Variants in HHIPL1 observed in about 807,000 individuals in gnomAD.
HHIPL1 encodes HHIP like 1, also known as HHIP-like protein 1.
A neutral mutation model predicts 61.8 loss-of-function variants in HHIPL1; 43 were observed. The ratio of observed to expected loss-of-function variants is 0.70; its 90% CI spans 0.55 to 0.90. The LOEUF is 0.90. HHIPL1 is among the 40% of genes least tolerant of loss of function. The pLI, the probability that HHIPL1 is intolerant of heterozygous loss-of-function variation, is 0.00. For missense variants in HHIPL1, 1,056 were observed against 1,157.7 expected (o/e 0.91, Z 1.28); for synonymous variants, 482 against 515.8 (o/e 0.93, Z 0.89).
At chr14:99,643,022 T>G (rs1480092964), upstream of HHIPL1, among the ~76,000 whole-genome samples, 1 of 151,986 alleles carries the variant, frequency 6.6e-6, no homozygotes, top group African/African-American at 2.4e-5. Flanking sequence ...AGGCTGGCTC[T>G]GATGCTCCTT....
chr14:99,671,054 T>C (rs1027181543), intron 7 of HHIPL1, among the ~76,000 whole-genome samples: 3 of 152,146 alleles, frequency 2.0e-5, no homozygotes, highest in Admixed American at 6.5e-5. Flanking sequence ...GGTCTTGTGT[T>C]AGGAGCCAGA....
At chr14:99,616,767 A>G in the HHIPL1 span, among the ~76,000 whole-genome samples, 3 of 152,202 alleles carry the variant, frequency 2.0e-5, no homozygotes, top group African/African-American at 4.8e-5. Context: ...CCTTGCGACA[A>G]TGGAAGCTAG....
At chr14:99,656,242 T>A (rs1037912147) in intron 2 of HHIPL1, among the ~76,000 whole-genome samples, 1 of 152,144 alleles carries the variant, frequency 6.6e-6, no homozygotes, top group Non-Finnish European at 1.5e-5. Context: ...CCCATAATCA[T>A]AACAGGGCAG....
the HHIPL1 span, among the ~76,000 whole-genome samples, chr14:99,630,176 C>T: frequency 0.21 from 32,005 of 152,164 alleles, 3,736 homozygotes; most frequent in Admixed American, 0.34. Context: ...CGGAGGAGCT[C>T]AGAATCCAAT....
the HHIPL1 span, among the ~76,000 whole-genome samples, chr14:99,608,603 G>A: frequency 2.0e-5 from 3 of 152,212 alleles, no homozygotes; most frequent in Admixed American, 6.5e-5. Context: ...GGCTGACCAG[G>A]TCTGGGCCAG....
chr14:99,626,326 G>A, the HHIPL1 span, among the ~76,000 whole-genome samples: 1 of 152,128 alleles, frequency 6.6e-6, no homozygotes, highest in East Asian at 1.9e-4. Flanking sequence ...TGAGACTGCA[G>A]GGAGCCTGCA....
the HHIPL1 span, among the ~76,000 whole-genome samples, chr14:99,620,120 G>A: frequency 2.0e-5 from 3 of 152,190 alleles, no homozygotes; most frequent in African/African-American, 7.2e-5. Flanking sequence ...GAGGGCCCAG[G>A]TGACTCAATG....
In HHIPL1 at chr14:99,645,422, G is replaced by T; in HGVS notation, c.215G>T (p.Trp72Leu). Residue 72 changes from tryptophan to leucine, a missense_variant, in exon 1 of 9, where the codon TGG becomes TTG. Transcript: ENST00000330710. The stretch of plus-strand genomic sequence containing the variant: ...GCGAGCCGCGTGGACGCCGCCGAGT[G>T]GGCCGCGTGCGCCGGCTACGCGAGG... The part of the protein sequence containing the change: ...ALASRVDAAE[W>L]AACAGYARDL... 1 of 1,373,818 alleles carries T rather than the reference G, an allele frequency of 7.3e-7. No homozygotes were observed. The highest frequency in any genetic ancestry group is 1.7e-5 in the South Asian group (1 of 58,570). 85.1% of individuals were successfully genotyped at this position (1,373,818 alleles called of 1,614,324 possible). A position where few individuals can be genotyped will look rare whatever the true frequency, so the allele number is the denominator to read the frequency against.
rs112835805 is a variant in HHIPL1, at chr14:99,660,238, C to T, written c.1376-42C>T. 3.1e-6 allele frequency: 5 copies of T among 1,612,330 alleles called. No individual in the cohort carries two copies. The highest frequency in any genetic ancestry group is 1.1e-5 in the South Asian group (1 of 90,944). ...AATTCTCCTGGCTGATGAACCTTCCCGCCGCTGGCTCACCGAAGCTTCTCT... is the reference window on the plus strand; with the variant it reads ...AATTCTCCTGGCTGATGAACCTTCCTGCCGCTGGCTCACCGAAGCTTCTCT... On this transcript the variant is annotated intron_variant, in intron 4 of 8. Coordinates refer to ENST00000330710, the MANE Select transcript of HHIPL1 (RefSeq NM_001127258.3). This position sits in a 1 kb window ranked among gnomAD's most constrained non-coding sequence, Gnocchi z 4.9.
Position 99,675,726 on chromosome 14 carries a change from G to A in HHIPL1, c.*100G>A. On this transcript the variant is annotated 3_prime_UTR_variant, in exon 9 of 9. Coordinates refer to ENST00000330710, the MANE Select transcript of HHIPL1 (RefSeq NM_001127258.3). This position sits in a 1 kb window ranked among gnomAD's most constrained non-coding sequence, Gnocchi z 5.4. ...AGCGGGTGCACACGTGTTCTAGAGT[G>A]AAGGGGGTGCGGGTGTGTGCTGTCC... 8.1e-7 allele frequency: 1 copy of A among 1,235,308 alleles called. No individual in the cohort carries two copies. The highest frequency in any genetic ancestry group is 1.1e-6 in the Non-Finnish European group (1 of 918,820). The allele number at this position is 1,235,308 out of a possible 1,614,324, so 76.5% of individuals were successfully genotyped here.
the HHIPL1 span, among the ~76,000 whole-genome samples, chr14:99,605,387 C>G: frequency 2.2e-4 from 26 of 115,834 alleles, no homozygotes; most frequent in East Asian, 8.0e-4. Flanking sequence ...CGGGGCGGGG[C>G]GGGGGGGGGT....
At chr14:99,653,708 T>C (rs1003410308) in intron 2 of HHIPL1, among the ~76,000 whole-genome samples, 1 of 152,214 alleles carries the variant, frequency 6.6e-6, no homozygotes, top group Non-Finnish European at 1.5e-5. Flanking sequence ...CTTTTGCTCC[T>C]CTCAACAAGG....
At position 99,657,139 on chromosome 14, in the gene HHIPL1, A is replaced by T; in HGVS notation, c.1042A>T (p.Asn348Tyr). The T allele has an allele frequency of 6.2e-7, 1 of 1,612,920 alleles. No individual in the cohort carries two copies. Among genetic ancestry groups the T allele is most frequent in the Non-Finnish European group, 8.5e-7 (1 of 1,179,614 alleles). The change falls in exon 3 of 9, where the codon AAC (asparagine) becomes TAC (tyrosine). Residue 348 changes from asparagine to tyrosine, a missense_variant. Coordinates refer to ENST00000330710, the MANE Select transcript of HHIPL1 (RefSeq NM_001127258.3). ...DPFGTFGNAQ[N>Y]KSALLGKVLR... The stretch of plus-strand genomic sequence containing the variant: ...CTTTGGGACATTTGGAAATGCCCAA[A>T]ACAAGTATGTTCAGCTTTTGATTGG...
Position 99,668,110 on chromosome 14 carries a change from A to G in HHIPL1, c.1649-112A>G. 1.4e-6 allele frequency: 1 copy of G among 736,652 alleles called. No individual in the cohort carries two copies. The highest frequency in any genetic ancestry group is 2.5e-6 in the Non-Finnish European group (1 of 393,964). The allele number at this position is 736,652 out of a possible 1,614,324, so 45.6% of individuals were successfully genotyped here. ...AGCTGGGATGCCTCACGTGATGGCT[A>G]GCTGGGGTTGGGGTCTATTTCCAAG... On this transcript the variant is annotated intron_variant, in intron 6 of 8. Coordinates refer to ENST00000330710, the MANE Select transcript of HHIPL1 (RefSeq NM_001127258.3). The surrounding 1 kb of genome is among the most constrained non-coding windows in gnomAD (Gnocchi z 4.7).
upstream of HHIPL1, chr14:99,645,092 A>G (rs2055805575): frequency 1.0e-6 from 1 of 958,554 alleles, no homozygotes; most frequent in South Asian, 4.6e-5. Context: ...AGGTCCCCAA[A>G]CTCGAGGCCC....
intron 2 of HHIPL1, among the ~76,000 whole-genome samples, chr14:99,655,097 CCGCTGTCAGT>C (rs1160741555): frequency 2.6e-5 from 4 of 152,168 alleles, no homozygotes; most frequent in African/African-American, 9.7e-5. Flanking sequence ...TTGCCTGAAT[CCGCTGTCAGT>C]CTCTCCTCCC....
rs1293516102 is a variant in HHIPL1 at position 99,669,077 on chromosome 14, C to T, written c.1730+774C>T. 2.8e-6 allele frequency: 4 copies of T among 1,441,518 alleles called. No homozygotes were observed. In the African/African-American group the frequency reaches 5.7e-5, roughly 21 times the overall value. 89.3% of individuals were successfully genotyped at this position (1,441,518 alleles called of 1,614,324 possible). A position where few individuals can be genotyped will look rare whatever the true frequency, so the allele number is the denominator to read the frequency against. On this transcript the variant is annotated intron_variant, in intron 7 of 8. Transcript: ENST00000330710. ...CCCCAACCCACGTTGCCCTCCAGGC[C>T]TCTGTCCAGCCCTTCCTCAGCTCTC... is the stretch of plus-strand genomic sequence containing the variant.
At chr14:99,647,300 G>A (rs183106700) in intron 1 of HHIPL1, among the ~76,000 whole-genome samples, 50 of 152,274 alleles carry the variant, frequency 3.3e-4, no homozygotes, top group African/African-American at 9.6e-4. Flanking sequence ...CTGGCCAAGC[G>A]TCTGCCTCCC....
Position 99,675,479 on chromosome 14 carries a change from C to T in HHIPL1, c.2202C>T (p.Gly734=). The change falls in exon 9 of 9, where the codon GGC becomes GGT. Residue 734 remains glycine, a synonymous_variant. Coordinates refer to ENST00000330710, the MANE Select transcript of HHIPL1 (RefSeq NM_001127258.3). This position sits in a 1 kb window ranked among gnomAD's most constrained non-coding sequence, Gnocchi z 5.4. ...AGAGAGCCGAGTTCGGCCAGGGCGG[C>T]TCGCTGCCCATTCTGCTGGACGATG... ...AVKRAEFGQG[G]SLPILLDDVR... is the part of the protein sequence containing the mutation. 6.5e-7 allele frequency: 1 copy of T among 1,541,952 alleles called. No homozygotes were observed. Among genetic ancestry groups the T allele is most frequent in the Non-Finnish European group, 8.7e-7 (1 of 1,146,374 alleles).
Sources: allele counts gnomAD v4.1 joint callset (sites outside exome capture counted in the v4.1 genomes callset), GRCh38; gene constraint gnomAD v4.1.1; non-coding constraint Gnocchi (gnomAD v3.1); transcripts MANE v1.5; gene names NCBI Gene and HGNC (gene_info 2026-07-23, HGNC 2026-07-21).